Variants in SDK1 observed in about 807,000 individuals in gnomAD.
SDK1 encodes the protein protein sidekick-1.
A neutral mutation model predicts 245.5 loss-of-function variants in SDK1; 157 were observed. The observed-to-expected ratio is 0.64, with a 90% CI of 0.56 to 0.73. The LOEUF (loss-of-function observed/expected upper bound fraction) is 0.73, where lower values mean the gene tolerates loss of function less well. Among genes scored for constraint, SDK1 ranks in the 30% least tolerant of loss-of-function variants. The pLI, the probability that SDK1 is intolerant of heterozygous loss-of-function variation, is 0.00. For missense variants in SDK1, 3,583 were observed against 3,002.3 expected, an observed-to-expected ratio of 1.19 and a Z score of -4.52; for synonymous variants, 1,647 against 1,278.5, an observed-to-expected ratio of 1.29 and a Z score of -6.15.
chr7:3,528,684 G>A (rs1049538291), intron 1 of SDK1, among the ~76,000 whole-genome samples: 2 of 152,076 alleles, frequency 1.3e-5, no homozygotes, highest in Non-Finnish European at 2.9e-5. Flanking sequence ...AAGTGGCAGG[G>A]CTTGGGTTTT....
intron 5 of SDK1, among the ~76,000 whole-genome samples, chr7:3,853,524 T>C (rs1780468812): frequency 6.6e-6 from 1 of 152,204 alleles, no homozygotes; most frequent in African/African-American, 2.4e-5. Context: ...GAGTTGTATA[T>C]CCCTTATTCA....
intron 4 of SDK1, among the ~76,000 whole-genome samples, chr7:3,780,711 A>G (rs369723388): frequency 2.0e-5 from 3 of 152,086 alleles, no homozygotes; most frequent in Admixed American, 6.6e-5. Context: ...CCACCTAGCT[A>G]GAAAGCCCAC....
Position 3,487,360 on chromosome 7 carries a change from C to T in SDK1, c.299-131720C>T, listed in dbSNP as rs530475664. Among the ~76,000 whole-genome samples the T allele has an allele frequency of 1.3e-4, 19 of 151,988 alleles. No homozygotes were observed. The South Asian group carries it at 4.0e-3, about 32-fold the overall frequency. ...TATGGAAAATCCTTATTTTTCTAAA[C>T]CATCGTACTTAACATTAATGCTTGT... On this transcript the variant is annotated intron_variant, in intron 1 of 44. Transcript: ENST00000404826.
At chr7:3,371,311 C>T (rs1781221982) in intron 1 of SDK1, among the ~76,000 whole-genome samples, 1 of 152,084 alleles carries the variant, frequency 6.6e-6, no homozygotes, top group South Asian at 2.1e-4. Context: ...ATGGGGCTCT[C>T]CTAGTCAAAA....
intron 1 of SDK1, among the ~76,000 whole-genome samples, chr7:3,409,740 G>A (rs1016325260): frequency 2.0e-5 from 3 of 152,074 alleles, no homozygotes; most frequent in African/African-American, 7.2e-5. Context: ...AAGTTGAGAG[G>A]AGAACCACGC....
chr7:3,947,309 G>T (rs1780617085), intron 5 of SDK1, among the ~76,000 whole-genome samples: 1 of 152,026 alleles, frequency 6.6e-6, no homozygotes. Context: ...ATATCGTCCA[G>T]GTTAAAAACA....
chr7:3,469,654 C>A (rs1403487219), intron 1 of SDK1, among the ~76,000 whole-genome samples: 1 of 152,148 alleles, frequency 6.6e-6, no homozygotes, highest in African/African-American at 2.4e-5. Context: ...ACTTTGTATT[C>A]TCCATCTAAC....
intron 1 of SDK1, among the ~76,000 whole-genome samples, chr7:3,610,448 A>G (rs1417867810): frequency 1.3e-5 from 2 of 152,354 alleles, no homozygotes; most frequent in African/African-American, 2.4e-5. Flanking sequence ...ACTACAAACC[A>G]TAGAAATGAC....
At chr7:3,504,820 A>C (rs1223195450) in intron 1 of SDK1, among the ~76,000 whole-genome samples, 2 of 152,142 alleles carry the variant, frequency 1.3e-5, no homozygotes, top group Non-Finnish European at 1.5e-5. Flanking sequence ...GGGATGTAAA[A>C]TGGTGCAACC....
intron 4 of SDK1, among the ~76,000 whole-genome samples, chr7:3,681,002 C>A (rs1302201014): frequency 6.6e-6 from 1 of 152,096 alleles, no homozygotes; most frequent in Non-Finnish European, 1.5e-5. Context: ...CCCATCAGGT[C>A]CAGCTAATTT....
intron 19 of SDK1, among the ~76,000 whole-genome samples, chr7:4,062,054 G>A (rs995276860): frequency 6.6e-6 from 1 of 151,300 alleles, no homozygotes; most frequent in Non-Finnish European, 1.5e-5. Context: ...AATGGGTGCA[G>A]CACACCAGCA....
chr7:4,045,024 G>A (rs1451551773), intron 17 of SDK1, among the ~76,000 whole-genome samples: 1 of 152,090 alleles, frequency 6.6e-6, no homozygotes, highest in Non-Finnish European at 1.5e-5. Flanking sequence ...AGCATGCAGT[G>A]TGCAGTCTTC....
intron 1 of SDK1, among the ~76,000 whole-genome samples, chr7:3,546,163 G>A (rs1000033284): frequency 6.6e-6 from 1 of 152,218 alleles, no homozygotes; most frequent in African/African-American, 2.4e-5. Context: ...CAGGTGGTCT[G>A]GGGTGGGGCC....
chr7:4,184,003 C>T (rs1286953239), intron 35 of SDK1, among the ~76,000 whole-genome samples: 1 of 152,228 alleles, frequency 6.6e-6, no homozygotes, highest in Non-Finnish European at 1.5e-5. Flanking sequence ...TCTGTGTTTA[C>T]ACTGCAGAGA....
At chr7:3,534,193 G>T (rs890079535) in intron 1 of SDK1, among the ~76,000 whole-genome samples, 5 of 152,270 alleles carry the variant, frequency 3.3e-5, no homozygotes, top group African/African-American at 9.6e-5. Context: ...CTGAGCATAA[G>T]TCTCAACCAT....
chr7:3,435,513 T>G (rs1465834435), intron 1 of SDK1, among the ~76,000 whole-genome samples: 1 of 150,374 alleles, frequency 6.7e-6, no homozygotes, highest in Non-Finnish European at 1.5e-5. Context: ...ATGATTATGA[T>G]TATGATTATT....
At chr7:3,318,721 A>C (rs76979219) in intron 1 of SDK1, among the ~76,000 whole-genome samples, 2 of 152,124 alleles carry the variant, frequency 1.3e-5, no homozygotes, top group East Asian at 3.8e-4. Context: ...CTGTTGATGA[A>C]TATATTGACC....
At position 3,956,196 on chromosome 7, in the gene SDK1, T is replaced by C. The variant is rs553054339; in HGVS notation, c.1151-2735T>C. On this transcript the variant is annotated intron_variant, in intron 7 of 44. Coordinates refer to ENST00000404826, the MANE Select transcript of SDK1 (RefSeq NM_152744.4). The stretch of plus-strand genomic sequence containing the variant: ...CAGTTGCCACTGACAGGCTAAGACA[T>C]GCCCTCGCCCTCTTGCCCTCTGAAG... Among the ~76,000 whole-genome samples the C allele has an allele frequency of 3.9e-5, 6 of 152,316 alleles. No homozygotes were observed. In the South Asian group the frequency reaches 1.0e-3, roughly 26 times the overall value.
At chr7:3,865,754 TC>T (rs1780805939) in intron 5 of SDK1, among the ~76,000 whole-genome samples, 1 of 151,622 alleles carries the variant, frequency 6.6e-6, no homozygotes, top group Admixed American at 6.6e-5. Context: ...GCCTCAAGCC[TC>T]CCAAAACGCT....
Sources: gnomAD v4.1 joint callset for allele counts (sites outside exome capture counted in the v4.1 genomes callset) on GRCh38, gnomAD v4.1.1 for gene constraint, MANE v1.5 for transcripts, NCBI Gene and HGNC (gene_info 2026-07-23, HGNC 2026-07-21) for gene names.